SERPINA3: variants seen among roughly 807,000 people sequenced by gnomAD.
The protein encoded by SERPINA3 is serpin family A member 3.
A neutral mutation model predicts 26.8 loss-of-function variants in SERPINA3; 32 were observed. The ratio of observed to expected loss-of-function variants is 1.20; its 90% confidence interval spans 0.90 to 1.61. The LOEUF (loss-of-function observed/expected upper bound fraction) is 1.61, where lower values mean the gene tolerates loss of function less well. Among genes scored for constraint, SERPINA3 ranks in the 40% most tolerant of loss-of-function variants. The pLI, the probability that SERPINA3 is intolerant of heterozygous loss-of-function variation, is 0.00. For synonymous variants in SERPINA3, 252 were observed against 206.4 expected (o/e 1.22, Z -1.89); for missense variants, 632 against 517.9 (o/e 1.22, Z -2.14).
chr14:94,617,168 T>G (rs537842294), intron 2 of SERPINA3, among the ~76,000 whole-genome samples: 48 of 152,298 alleles, frequency 3.2e-4, no homozygotes, highest in African/African-American at 1.1e-3. Context: ...CAGAAGCCCC[T>G]GAATGGCTGC....
Position 94,614,483 on chromosome 14 carries a change from G to A in SERPINA3, c.42G>A (p.Ala14=), listed in dbSNP as rs760564877. ...CTCTCCTGGCTCTGGGGCTCTTGGC[G>A]GCTGGGTTCTGCCCTGCTGTCCTCT... ...MLPLLALGLL[A]AGFCPAVLCH... Residue 14 remains alanine (A), a synonymous_variant, in exon 2 of 5, where the codon GCG becomes GCA. Transcript: ENST00000393078. The A allele has an allele frequency of 1.2e-5, 19 of 1,613,866 alleles. No individual in the cohort carries two copies. Among genetic ancestry groups the A allele is most frequent in the Non-Finnish European group, 1.3e-5 (15 of 1,179,972 alleles).
chr14:94,623,234 A>T (rs1886272159), intron 4 of SERPINA3, among the ~76,000 whole-genome samples: 1 of 152,254 alleles, frequency 6.6e-6, no homozygotes, highest in South Asian at 2.1e-4. Flanking sequence ...CTTGTGGTCA[A>T]GAGCTGCCGG....
intron 3 of SERPINA3, among the ~76,000 whole-genome samples, chr14:94,620,514 A>G (rs908639630): frequency 6.6e-6 from 1 of 152,162 alleles, no homozygotes; most frequent in African/African-American, 2.4e-5. Flanking sequence ...TGTGTGTGAA[A>G]TGGAGAGCCA....
intron 2 of SERPINA3, among the ~76,000 whole-genome samples, chr14:94,615,912 A>T (rs1885979309): frequency 6.6e-6 from 1 of 152,216 alleles, no homozygotes; most frequent in African/African-American, 2.4e-5. Context: ...AGGGACACAA[A>T]GAGTGATCAC....
At chr14:94,619,729 C>A in intron 3 of SERPINA3, 1 of 539,536 alleles carries the variant, frequency 1.9e-6, no homozygotes, top group East Asian at 3.3e-5. Context: ...TGCACAGTCC[C>A]AAACACTCAT....
chr14:94,614,185 C>T lies in SERPINA3; in HGVS notation c.-8-249C>T, dbSNP rs553481664. 1.1e-5 allele frequency: 6 copies of T among 530,266 alleles called. No individual in the cohort carries two copies. The Admixed American group carries it at 1.6e-4, about 14-fold the overall frequency. 32.8% of individuals were successfully genotyped at this position (530,266 alleles called of 1,614,324 possible). ...GTTTGCTGTATGATCTTGGGCAAGC[C>T]CCCTCACCGCTCTGTGCCCGGCTTT... On this transcript the variant is annotated intron_variant, in intron 1 of 4. Coordinates refer to ENST00000393078, the MANE Select transcript of SERPINA3 (RefSeq NM_001085.5).
At chr14:94,617,234 G>A (rs1403034683) in intron 2 of SERPINA3, among the ~76,000 whole-genome samples, 1 of 152,226 alleles carries the variant, frequency 6.6e-6, no homozygotes, top group African/African-American at 2.4e-5. Context: ...CCTGAGATGG[G>A]TCCTTTCTCC....
intron 3 of SERPINA3, among the ~76,000 whole-genome samples, chr14:94,620,903 G>A (rs900220039): frequency 6.6e-6 from 1 of 152,192 alleles, no homozygotes; most frequent in Non-Finnish European, 1.5e-5. Flanking sequence ...GACCGTGGTG[G>A]CTGGTGTGAC....
intron 4 of SERPINA3, chr14:94,622,825 T>C (rs1173442616): frequency 2.5e-6 from 1 of 394,624 alleles, no homozygotes; most frequent in East Asian, 5.9e-5. Context: ...ATGGTAGTGA[T>C]AGTTCTTGGC....
rs61737406 is a variant in SERPINA3 at position 94,614,618 on chromosome 14, C to T, written c.177C>T (p.Ser59=). 1.1e-3 allele frequency: 1,719 copies of T among 1,614,104 alleles called. 15 individuals carry two copies. In the African/African-American group the frequency reaches 0.021, roughly 20 times the overall value. ...CCGCCAACGTGGACTTCGCTTTCAG[C>T]CTGTACAAGCAGTTAGTCCTGAAGG... ...LASANVDFAF[S]LYKQLVLKAP... Residue 59 remains serine, a synonymous_variant, in exon 2 of 5, where the codon AGC becomes AGT. Coordinates refer to ENST00000393078, the MANE Select transcript of SERPINA3 (RefSeq NM_001085.5).
At chr14:94,612,810 T>C (rs1885833098) in intron 1 of SERPINA3, among the ~76,000 whole-genome samples, 1 of 152,138 alleles carries the variant, frequency 6.6e-6, no homozygotes, top group African/African-American at 2.4e-5. Context: ...ATGTGGCAGA[T>C]GTGATTATTG....
At position 94,623,885 on chromosome 14, in the gene SERPINA3, C is replaced by A; in HGVS notation, c.*71C>A. On this transcript the variant is annotated 3_prime_UTR_variant, in exon 5 of 5. Coordinates refer to ENST00000393078, the MANE Select transcript of SERPINA3 (RefSeq NM_001085.5). ...CAAGCTGGATGCCTGGGTCTCTGGGCACAGCCTGGCCCCTGTGCACCGAGT... is the reference window on the plus strand; with the variant it reads ...CAAGCTGGATGCCTGGGTCTCTGGGAACAGCCTGGCCCCTGTGCACCGAGT... 2 of 1,354,664 alleles carry A rather than the reference C, an allele frequency of 1.5e-6. No homozygotes were observed. Among genetic ancestry groups the A allele is most frequent in the Non-Finnish European group, 2.1e-6 (2 of 950,410 alleles). The allele number at this position is 1,354,664 out of a possible 1,614,324, so 83.9% of individuals were successfully genotyped here.
At chr14:94,617,033 A>C (rs1886030490) in intron 2 of SERPINA3, among the ~76,000 whole-genome samples, 1 of 152,132 alleles carries the variant, frequency 6.6e-6, no homozygotes, top group African/African-American at 2.4e-5. Flanking sequence ...GGGTCCCCAG[A>C]GGCAGCCCAT....
At chr14:94,620,420 G>A (rs1886157995) in intron 3 of SERPINA3, among the ~76,000 whole-genome samples, 1 of 152,174 alleles carries the variant, frequency 6.6e-6, no homozygotes, top group South Asian at 2.1e-4. Flanking sequence ...TGAGGAGAGA[G>A]TTGAGAGAGG....
rs73346577 is a variant in SERPINA3 at position 94,619,606 on chromosome 14, A to G, written c.917+138A>G. 7.6e-3 allele frequency: 8,257 copies of G among 1,081,654 alleles called. 275 individuals carry two copies. The African/African-American group carries it at 0.081, about 11-fold the overall frequency. 67.0% of individuals were successfully genotyped at this position (1,081,654 alleles called of 1,614,324 possible). On this transcript the variant is annotated intron_variant, in intron 3 of 4. Coordinates refer to ENST00000393078, the MANE Select transcript of SERPINA3 (RefSeq NM_001085.5). The stretch of plus-strand genomic sequence containing the variant: ...ACACTTACTTTGCCCTATGCTGCCT[A>G]CATGGCTTTGGGCTTGATTTTTCTT...
Position 94,619,228 on chromosome 14 carries a change from C to T in SERPINA3, c.677C>T (p.Thr226Ile). Residue 226 changes from threonine (T) to isoleucine (I), a missense_variant, in exon 3 of 5, where the codon ACT (threonine) becomes ATT (isoleucine). Physicochemically the swap from Thr to Ile is moderately conservative, Grantham distance 89. Transcript: ENST00000393078. The stretch of plus-strand genomic sequence containing the variant: ...GAGATGCCCTTTGACCCCCAAGATA[C>T]TCATCAGTCAAGGTTCTACTTGAGC... ...KWEMPFDPQD[T>I]HQSRFYLSKK... is the part of the protein sequence containing the mutation. 3.1e-6 allele frequency: 5 copies of T among 1,614,190 alleles called. No individual in the cohort carries two copies. Among genetic ancestry groups the T allele is most frequent in the Non-Finnish European group, 4.2e-6 (5 of 1,180,042 alleles).
Position 94,615,052 on chromosome 14 carries a change from T to C in SERPINA3, c.611T>C (p.Met204Thr), listed in dbSNP as rs1376177855. The C allele has an allele frequency of 6.2e-7, 1 of 1,614,008 alleles. No individual in the cohort carries two copies. Among genetic ancestry groups the C allele is most frequent in the Non-Finnish European group, 8.5e-7 (1 of 1,180,042 alleles). Residue 204 changes from methionine (M) to threonine (T), a missense_variant, in exon 2 of 5, where the codon ATG (methionine) becomes ACG (threonine). Met to Thr is a moderately conservative substitution (Grantham distance 81). Transcript: ENST00000393078. Reference protein sequence around the residue: ...DLIKDLDSQTMMVLVNYIFFK... With the variant: ...DLIKDLDSQTTMVLVNYIFFK... The stretch of plus-strand genomic sequence containing the variant: ...ATCAAGGACCTTGACTCGCAGACAA[T>C]GATGGTCCTGGTGAATTACATCTTC...
rs1422848586 is a variant in SERPINA3, at chr14:94,615,798, C to G, written c.643+714C>G. Among the ~76,000 whole-genome samples, 4 of 152,306 alleles carry G rather than the reference C, an allele frequency of 2.6e-5. No individual in the cohort carries two copies. The East Asian group carries it at 7.7e-4, about 29-fold the overall frequency. On this transcript the variant is annotated intron_variant, in intron 2 of 4. Transcript: ENST00000393078. ...GTGCCCAATCCCATTGATAGAAACT[C>G]AACCAATGCAAACCTCAGCCTGCAA...
In SERPINA3 at chr14:94,620,631, G is replaced by A. The variant is rs113220208; in HGVS notation, c.917+1163G>A. Among the ~76,000 whole-genome samples, 543 of 152,294 alleles carry A rather than the reference G, an allele frequency of 3.6e-3. 5 individuals carry two copies. The highest frequency in any genetic ancestry group is 0.013 in the African/African-American group (520 of 41,574). ...AGCAGGTATGGAGTCAGTGACACCCGCAGGAACCAGGCACAGACATGAGGT... is the reference window on the plus strand; with the variant it reads ...AGCAGGTATGGAGTCAGTGACACCCACAGGAACCAGGCACAGACATGAGGT... On this transcript the variant is annotated intron_variant, in intron 3 of 4. Transcript: ENST00000393078.
Sources: allele counts gnomAD v4.1 joint callset (sites outside exome capture counted in the v4.1 genomes callset), GRCh38; gene constraint gnomAD v4.1.1; transcripts MANE v1.5; gene names NCBI Gene and HGNC (gene_info 2026-07-23, HGNC 2026-07-21).